C9orf153: variants seen among roughly 807,000 people sequenced by gnomAD.
C9orf153 encodes the protein uncharacterized protein C9orf153.
A neutral mutation model predicts 9.0 loss-of-function variants in C9orf153; 10 were observed. The ratio of observed to expected loss-of-function variants is 1.11; its 90% confidence interval spans 0.69 to 1.89. The LOEUF is 1.89. Among genes scored for constraint, C9orf153 ranks in the 40% most tolerant of loss-of-function variants. C9orf153 has a pLI of 0.00. For missense variants in C9orf153, 108 were observed against 111.0 expected (o/e 0.97, Z 0.12); for synonymous variants, 35 against 37.3 (o/e 0.94, Z 0.23).
chr9:86,253,657 C>T (rs574630710), intron 1 of C9orf153, among the ~76,000 whole-genome samples: 8 of 152,300 alleles, frequency 5.3e-5, no homozygotes, highest in South Asian at 2.1e-4. Context: ...TGCAGTGGCA[C>T]GATCATGGCT....
At chr9:86,256,853 CCAGTCAATAGCTTATA>C (rs1243543782) in intron 1 of C9orf153, among the ~76,000 whole-genome samples, 2 of 152,124 alleles carry the variant, frequency 1.3e-5, no homozygotes, top group African/African-American at 2.4e-5. Context: ...CAGCGCATAG[CCAGTCAATAGCTTATA>C]CTATTTTGAG....
At chr9:86,230,110 G>C in intron 1 of C9orf153, among the ~76,000 whole-genome samples, 1 of 152,062 alleles carries the variant, frequency 6.6e-6, no homozygotes, top group East Asian at 1.9e-4. Context: ...GTGAGATTTG[G>C]GTGGGGACAC....
At chr9:86,242,325 C>T (rs573473590) in intron 1 of C9orf153, among the ~76,000 whole-genome samples, 51 of 151,446 alleles carry the variant, frequency 3.4e-4, no homozygotes, top group African/African-American at 1.0e-3. Context: ...GGAGCTTTTG[C>T]AGGCTCAAAG....
chr9:86,247,418 A>T (rs1256565054), intron 1 of C9orf153, among the ~76,000 whole-genome samples: 2 of 152,232 alleles, frequency 1.3e-5, no homozygotes, highest in Non-Finnish European at 2.9e-5. Flanking sequence ...GTGGTGGCTC[A>T]CATCTGTAAT....
At chr9:86,240,994 A>C (rs949690956) in intron 1 of C9orf153, among the ~76,000 whole-genome samples, 4 of 152,048 alleles carry the variant, frequency 2.6e-5, no homozygotes, top group African/African-American at 9.7e-5. Flanking sequence ...GGCGTGAGCC[A>C]CTGTGCCGGC....
intron 1 of C9orf153, among the ~76,000 whole-genome samples, chr9:86,244,000 T>C (rs1285867787): frequency 6.6e-6 from 1 of 152,158 alleles, no homozygotes; most frequent in African/African-American, 2.4e-5. Flanking sequence ...GTTTAATTGC[T>C]TTCAAGTGCT....
At chr9:86,257,570 T>G (rs1429429447) in intron 1 of C9orf153, among the ~76,000 whole-genome samples, 1 of 152,212 alleles carries the variant, frequency 6.6e-6, no homozygotes, top group African/African-American at 2.4e-5. Context: ...ATTTCCTTGA[T>G]CCCTTACCCT....
chr9:86,258,112 G>A (rs960112892), intron 1 of C9orf153, among the ~76,000 whole-genome samples: 2 of 152,114 alleles, frequency 1.3e-5, no homozygotes, highest in Non-Finnish European at 2.9e-5. Flanking sequence ...GGGAGACCAA[G>A]GGGAGCAGAT....
intron 3 of C9orf153, among the ~76,000 whole-genome samples, chr9:86,225,969 C>A (rs534087229): frequency 6.6e-6 from 1 of 152,318 alleles, no homozygotes. Context: ...GGCCCGTATA[C>A]ATGTGAAAGT....
chr9:86,227,393 G>A, intron 3 of C9orf153: 1 of 1,523,890 alleles, frequency 6.6e-7, no homozygotes, highest in Non-Finnish European at 8.8e-7. Flanking sequence ...TCATTTTATT[G>A]ACACTGTATA....
At chr9:86,229,511 C>T (rs1333330819) in intron 2 of C9orf153, 27 bp downstream of exon 2, 4 of 1,494,806 alleles carry the variant, frequency 2.7e-6, no homozygotes, top group East Asian at 2.3e-5. Context: ...CCTGTGTACA[C>T]CTCGTTGTAC....
intron 1 of C9orf153, among the ~76,000 whole-genome samples, chr9:86,237,715 C>G (rs1023547940): frequency 1.3e-5 from 2 of 152,098 alleles, no homozygotes; most frequent in African/African-American, 4.8e-5. Context: ...TGAGGAGGGG[C>G]TTTACATAAT....
At chr9:86,232,554 A>G (rs1824494739) in intron 1 of C9orf153, among the ~76,000 whole-genome samples, 1 of 152,044 alleles carries the variant, frequency 6.6e-6, no homozygotes, top group Non-Finnish European at 1.5e-5. Flanking sequence ...TACTGTGAAG[A>G]GCAAGGGCGT....
intron 1 of C9orf153, among the ~76,000 whole-genome samples, chr9:86,233,492 C>T (rs1587800349): frequency 6.6e-6 from 1 of 152,158 alleles, no homozygotes; most frequent in African/African-American, 2.4e-5. Context: ...TCTCGGCTCA[C>T]TGCAACCTCC....
Position 86,251,942 on chromosome 9 carries a change from C to CACACACACACACACACACACGA in C9orf153, c.-27+7607_-27+7608insTCGTGTGTGTGTGTGTGTGTGT, listed in dbSNP as rs367793280. On this transcript the variant is annotated intron_variant, in intron 1 of 3. Transcript: ENST00000339137. The stretch of plus-strand genomic sequence containing the variant: ...ACACACACACACACACACACACACA[C>CACACACACACACACACACACGA]GAGAGAGAGAGAGGAGAGGGGGAGA... Among the ~76,000 whole-genome samples, 581 of 149,688 alleles carry CACACACACACACACACACACGA rather than the reference C, an allele frequency of 3.9e-3. 6 individuals are homozygous for CACACACACACACACACACACGA. Among genetic ancestry groups the CACACACACACACACACACACGA allele is most frequent in the African/African-American group, 0.014 (547 of 40,148 alleles).
chr9:86,221,012 G>C lies in C9orf153; in HGVS notation c.*676C>G, dbSNP rs1824189280. On this transcript the variant is annotated 3_prime_UTR_variant, in exon 4 of 4. Transcript: ENST00000339137. ...CAATGACTATATCTTTCATTTCCAA[G>C]ATTTCCAATTTGTTCTTTTACAAAT... 1 of 152,082 alleles carries C rather than the reference G, an allele frequency of 6.6e-6. No homozygotes were observed. The highest frequency in any genetic ancestry group is 2.4e-5 in the African/African-American group (1 of 41,414). The allele number at this position is 152,082 out of a possible 1,614,324, so 9.4% of individuals were successfully genotyped here.
chr9:86,235,611 C>T (rs1162873699), intron 1 of C9orf153, among the ~76,000 whole-genome samples: 1 of 151,318 alleles, frequency 6.6e-6, no homozygotes, highest in Non-Finnish European at 1.5e-5. Flanking sequence ...AAAAATTAGC[C>T]AGGCGTGGAG....
chr9:86,257,050 T>C (rs1437852983), intron 1 of C9orf153, among the ~76,000 whole-genome samples: 2 of 152,172 alleles, frequency 1.3e-5, no homozygotes, highest in Admixed American at 6.5e-5. Context: ...CCAATGTAAA[T>C]ACTTGGTAAA....
chr9:86,225,804 C>T (rs995809276), intron 3 of C9orf153, among the ~76,000 whole-genome samples: 2 of 152,060 alleles, frequency 1.3e-5, no homozygotes, highest in African/African-American at 4.8e-5. Context: ...CTTGAATAGA[C>T]ATGACATGTA....
Sources: allele counts gnomAD v4.1 joint callset (sites outside exome capture counted in the v4.1 genomes callset), GRCh38; gene constraint gnomAD v4.1.1; transcripts MANE v1.5; gene names NCBI Gene and HGNC (gene_info 2026-07-23, HGNC 2026-07-21).